ZBTB7C: variants seen among roughly 807,000 people sequenced by gnomAD.
The protein encoded by ZBTB7C is zinc finger and BTB domain-containing protein 7C.
Under a neutral mutation model 25.7 loss-of-function variants are expected in ZBTB7C, and 8 were observed. That is an observed-to-expected ratio of 0.31 (90% CI 0.18 to 0.56). ZBTB7C has a LOEUF of 0.56. Ranked by LOEUF, ZBTB7C falls within the 20% of genes least tolerant of loss-of-function variation. The pLI is 0.91. For missense variants in ZBTB7C, 824 were observed against 855.2 expected (o/e 0.96, Z 0.46); for synonymous variants, 394 against 369.0 (o/e 1.07, Z -0.78).
intron 2 of ZBTB7C, among the ~76,000 whole-genome samples, chr18:48,232,232 T>G (rs1228861596): frequency 6.6e-6 from 1 of 151,982 alleles, no homozygotes; most frequent in African/African-American, 2.4e-5. Context: ...AAGATTGGAG[T>G]GGTGCATCCA....
intron 1 of ZBTB7C, among the ~76,000 whole-genome samples, chr18:48,389,218 CTCTCTCTCTCTCTCTCTCGTGT>C (rs2047825045): frequency 2.4e-5 from 3 of 126,826 alleles, no homozygotes; most frequent in Non-Finnish European, 4.9e-5. Flanking sequence ...CTCTCTCTCT[CTCTCTCTCTCTCTCTCTCGTGT>C]GTGTGTGTGT....
At chr18:48,193,775 G>A (rs868273405) in intron 2 of ZBTB7C, among the ~76,000 whole-genome samples, 1 of 152,342 alleles carries the variant, frequency 6.6e-6, no homozygotes, top group South Asian at 2.1e-4. Flanking sequence ...TGAGCATCCT[G>A]CCTCGTCAGT....
At chr18:48,071,901 A>G (rs1224700639) in intron 3 of ZBTB7C, among the ~76,000 whole-genome samples, 2 of 152,190 alleles carry the variant, frequency 1.3e-5, no homozygotes, top group Non-Finnish European at 2.9e-5. Flanking sequence ...AAGGACAAAC[A>G]CTGATTCTGC....
At chr18:48,311,174 G>A (rs1226327183) in intron 2 of ZBTB7C, among the ~76,000 whole-genome samples, 1 of 152,084 alleles carries the variant, frequency 6.6e-6, no homozygotes, top group Non-Finnish European at 1.5e-5. Flanking sequence ...TCCTAAGGCA[G>A]CAGATCCCAA....
chr18:48,131,290 A>G (rs910743110), intron 3 of ZBTB7C, among the ~76,000 whole-genome samples: 2 of 152,248 alleles, frequency 1.3e-5, no homozygotes, highest in African/African-American at 4.8e-5. Context: ...GATGGTGAAG[A>G]GTCCATTCAT....
intron 2 of ZBTB7C, among the ~76,000 whole-genome samples, chr18:48,328,216 C>T (rs1279479068): frequency 2.7e-5 from 4 of 146,742 alleles, no homozygotes; most frequent in African/African-American, 1.0e-4. Context: ...TAAGTGAAAA[C>T]ACAAGCTGAA....
At chr18:48,200,967 G>T in intron 2 of ZBTB7C, among the ~76,000 whole-genome samples, 1 of 152,168 alleles carries the variant, frequency 6.6e-6, no homozygotes, top group East Asian at 1.9e-4. Flanking sequence ...GCCACCCCAG[G>T]CACCACCCCC....
chr18:48,098,896 T>C (rs1438895111), intron 3 of ZBTB7C, among the ~76,000 whole-genome samples: 2 of 152,172 alleles, frequency 1.3e-5, no homozygotes, highest in Non-Finnish European at 2.9e-5. Context: ...TGCCACTTTG[T>C]AAACAGGTAA....
chr18:48,236,820 A>C (rs1309679304), intron 2 of ZBTB7C, among the ~76,000 whole-genome samples: 1 of 152,232 alleles, frequency 6.6e-6, no homozygotes, highest in African/African-American at 2.4e-5. Context: ...AAGCTGTTGC[A>C]GTCAGGGTCC....
At chr18:48,373,700 G>A (rs575305673) in intron 1 of ZBTB7C, among the ~76,000 whole-genome samples, 71 of 152,314 alleles carry the variant, frequency 4.7e-4, no homozygotes, top group South Asian at 8.3e-4. Context: ...TATGGCTCAC[G>A]CCTGTAATCC....
intron 1 of ZBTB7C, among the ~76,000 whole-genome samples, chr18:48,380,046 G>T (rs1399711927): frequency 1.3e-5 from 2 of 152,138 alleles, no homozygotes; most frequent in Non-Finnish European, 1.5e-5. Flanking sequence ...AGCACAAAGA[G>T]TAAACCTTAA....
At chr18:48,341,798 T>C (rs2046607706) in intron 1 of ZBTB7C, among the ~76,000 whole-genome samples, 1 of 152,198 alleles carries the variant, frequency 6.6e-6, no homozygotes, top group Non-Finnish European at 1.5e-5. Context: ...CTGTCAATGC[T>C]GAAAGAGCCC....
chr18:48,207,168 G>T (rs993036384), intron 2 of ZBTB7C, among the ~76,000 whole-genome samples: 1 of 152,194 alleles, frequency 6.6e-6, no homozygotes, highest in Non-Finnish European at 1.5e-5. Context: ...GATGTCAAGC[G>T]CTGGTGAGGA....
chr18:48,312,041 T>TC (rs1483649461), intron 2 of ZBTB7C, among the ~76,000 whole-genome samples: 2 of 152,210 alleles, frequency 1.3e-5, no homozygotes, highest in Non-Finnish European at 2.9e-5. Context: ...TCTGTGAAGC[T>TC]CGGTCTGACC....
At chr18:48,314,674 C>T (rs569744899) in intron 2 of ZBTB7C, among the ~76,000 whole-genome samples, 2 of 152,202 alleles carry the variant, frequency 1.3e-5, no homozygotes, top group East Asian at 3.9e-4. Flanking sequence ...CCAGAAATCC[C>T]CTTCAACAAG....
intron 2 of ZBTB7C, among the ~76,000 whole-genome samples, chr18:48,279,619 C>G (rs1229307911): frequency 1.2e-4 from 18 of 152,198 alleles, no homozygotes; most frequent in Non-Finnish European, 8.8e-5. Context: ...AAGGGACAAC[C>G]TCCCCAAAAT....
intron 3 of ZBTB7C, among the ~76,000 whole-genome samples, chr18:48,142,339 G>T (rs976543389): frequency 6.6e-6 from 1 of 152,240 alleles, no homozygotes; most frequent in African/African-American, 2.4e-5. Flanking sequence ...CCATTTAGGA[G>T]CACTGGGAGA....
intron 1 of ZBTB7C, among the ~76,000 whole-genome samples, chr18:48,389,220 CTCTCTCTCTCTCTCTCGTGTGT>C (rs2047825725): frequency 4.7e-5 from 6 of 126,864 alleles, no homozygotes; most frequent in South Asian, 2.9e-4. Context: ...CTCTCTCTCT[CTCTCTCTCTCTCTCTCGTGTGT>C]GTGTGTGTGT....
intron 2 of ZBTB7C, among the ~76,000 whole-genome samples, chr18:48,322,397 G>C (rs1188214746): frequency 6.6e-6 from 1 of 152,180 alleles, no homozygotes; most frequent in Non-Finnish European, 1.5e-5. Flanking sequence ...CCCTGGAAGA[G>C]AGTGGACAAA....
Sources: allele counts gnomAD v4.1 joint callset (sites outside exome capture counted in the v4.1 genomes callset), GRCh38; gene constraint gnomAD v4.1.1; transcripts MANE v1.5; gene names NCBI Gene and HGNC (gene_info 2026-07-23, HGNC 2026-07-21).